PCDHA12: variants seen among roughly 807,000 people sequenced by gnomAD.
PCDHA12 encodes the protein protocadherin alpha 12.
PCDHA12 carries 44 observed loss-of-function variants against 60.0 expected under a neutral mutation model. The observed-to-expected ratio is 0.73, with a 90% confidence interval of 0.58 to 0.94. PCDHA12 has a LOEUF of 0.94. PCDHA12 is among the 40% of genes least tolerant of loss of function. The pLI is 0.00. For synonymous variants in PCDHA12, 569 were observed against 553.0 expected, an observed-to-expected ratio of 1.03 and a Z score of -0.40; for missense variants, 1,276 against 1,239.7, an observed-to-expected ratio of 1.03 and a Z score of -0.44.
intron 1 of PCDHA12, among the ~76,000 whole-genome samples, chr5:140,944,313 G>A (rs2093639720): frequency 6.6e-6 from 1 of 152,066 alleles, no homozygotes; most frequent in Non-Finnish European, 1.5e-5. Context: ...TCAGCCTCCT[G>A]AGTAGCTGGG....
intron 1 of PCDHA12, among the ~76,000 whole-genome samples, chr5:140,905,387 G>T (rs1554192032): frequency 1.3e-5 from 2 of 152,138 alleles, no homozygotes; most frequent in African/African-American, 4.8e-5. Context: ...TGTTTCATAG[G>T]TCTGTGTGCC....
intron 3 of PCDHA12, among the ~76,000 whole-genome samples, chr5:140,988,661 A>G (rs1411850477): frequency 6.6e-6 from 1 of 152,186 alleles, no homozygotes; most frequent in Non-Finnish European, 1.5e-5. Context: ...TTGTTTATGA[A>G]TAGACTCTAA....
chr5:140,920,692 A>T (rs552577858), intron 1 of PCDHA12, among the ~76,000 whole-genome samples: 7 of 152,114 alleles, frequency 4.6e-5, no homozygotes, highest in Non-Finnish European at 7.4e-5. Flanking sequence ...AAAAATACAA[A>T]CATTAGCTTG....
intron 1 of PCDHA12, chr5:140,926,634 T>C (rs2083423230): frequency 6.8e-6 from 3 of 438,778 alleles, no homozygotes; most frequent in Non-Finnish European, 1.2e-5. Context: ...GCTGCGCTCC[T>C]CAACACCCGG....
chr5:140,917,256 T>C (rs1043140553), intron 1 of PCDHA12, among the ~76,000 whole-genome samples: 6 of 151,524 alleles, frequency 4.0e-5, no homozygotes, highest in African/African-American at 7.3e-5. Context: ...ATTGCTCACC[T>C]GATGTTTGGT....
chr5:140,927,031 GC>G, intron 1 of PCDHA12: 6 of 1,612,410 alleles, frequency 3.7e-6, no homozygotes, highest in Non-Finnish European at 5.1e-6. Flanking sequence ...GAGGCTGCCA[GC>G]GGCCGCTATG....
intron 1 of PCDHA12, among the ~76,000 whole-genome samples, chr5:140,951,450 C>A: frequency 6.6e-6 from 1 of 151,922 alleles, no homozygotes; most frequent in East Asian, 1.9e-4. Flanking sequence ...ATGATGCCGG[C>A]CATCTGCTTG....
At chr5:140,983,463 C>T (rs1554245464) in intron 3 of PCDHA12, among the ~76,000 whole-genome samples, 1 of 152,208 alleles carries the variant, frequency 6.6e-6, no homozygotes, top group Non-Finnish European at 1.5e-5. Flanking sequence ...AATAGAACAT[C>T]ATGATGATAA....
chr5:140,966,341 G>T, intron 1 of PCDHA12: 1 of 396,732 alleles, frequency 2.5e-6, no homozygotes, highest in Non-Finnish European at 4.4e-6. Context: ...CAGGTCCAGG[G>T]TGAAGGAGAT....
chr5:140,967,687 C>T (rs1173018126), intron 1 of PCDHA12: 1 of 1,614,094 alleles, frequency 6.2e-7, no homozygotes, highest in Non-Finnish European at 8.5e-7. Context: ...AGAGGCAGCT[C>T]TTCAGCATAG....
At chr5:140,969,004 T>C (rs1554231338) in intron 1 of PCDHA12, 2 of 1,614,060 alleles carry the variant, frequency 1.2e-6, no homozygotes, top group East Asian at 2.2e-5. Flanking sequence ...GAGGCTTCTG[T>C]GGAGTAAGGG....
chr5:140,961,236 T>G (rs246004), intron 1 of PCDHA12, among the ~76,000 whole-genome samples: 1 of 151,942 alleles, frequency 6.6e-6, no homozygotes, highest in African/African-American at 2.4e-5. Context: ...AAAAAGGTGA[T>G]GGAATTTATC....
Position 140,877,497 on chromosome 5 carries a change from C to G in PCDHA12, c.2025C>G (p.Ala675=). ...VLVSLVENGQ[A]PKTSSRASVG... is the part of the protein sequence containing the mutation. ...TGTCGCTGGTGGAGAACGGCCAGGC[C>G]CCAAAGACGTCGTCGCGGGCCTCAG... The change falls in exon 1 of 4, where the codon GCC becomes GCG. Residue 675 remains alanine, a synonymous_variant. Coordinates refer to ENST00000398631, the MANE Select transcript of PCDHA12 (RefSeq NM_018903.4). 6.2e-7 allele frequency: 1 copy of G among 1,613,848 alleles called. No homozygotes were observed. Among genetic ancestry groups the G allele is most frequent in the South Asian group, 1.1e-5 (1 of 91,082 alleles).
rs782037799 is a variant in PCDHA12 at position 140,877,180 on chromosome 5, G to A, written c.1708G>A (p.Ala570Thr). ...DNAPALLATPAGSAGGAVSEL... is the reference protein window; with the variant it reads ...DNAPALLATPTGSAGGAVSEL... ...CGCGCCGGCACTGCTGGCGACTCCG[G>A]CTGGCAGCGCAGGAGGCGCAGTTAG... The change falls in exon 1 of 4, where the codon GCT becomes ACT. Residue 570 changes from alanine (A) to threonine (T), a missense_variant. By Grantham distance (58) the Ala-to-Thr change is moderately conservative (BLOSUM62 0). Transcript: ENST00000398631. The A allele has an allele frequency of 1.1e-5, 18 of 1,613,692 alleles. No individual in the cohort carries two copies. In the South Asian group the frequency reaches 1.5e-4, roughly 14 times the overall value.
chr5:140,967,040 C>G, intron 1 of PCDHA12: 1 of 1,611,752 alleles, frequency 6.2e-7, no homozygotes, highest in South Asian at 1.1e-5. Flanking sequence ...CTACCTGGAG[C>G]TGGACCTGAC....
At chr5:140,898,956 T>C (rs1352076218) in intron 1 of PCDHA12, among the ~76,000 whole-genome samples, 4 of 152,130 alleles carry the variant, frequency 2.6e-5, no homozygotes, top group Admixed American at 2.6e-4. Context: ...GAAGCAGTTG[T>C]GAATGGGAGT....
intron 1 of PCDHA12, chr5:140,882,591 T>C (rs781883775): frequency 1.2e-6 from 2 of 1,614,116 alleles, no homozygotes; most frequent in South Asian, 2.2e-5. Flanking sequence ...CACCTGGAGG[T>C]GATCGTGGAC....
In PCDHA12 at chr5:140,927,516, C is replaced by T. The variant is rs782661477; in HGVS notation, c.2367+49677C>T. 3.1e-6 allele frequency: 5 copies of T among 1,613,948 alleles called. No homozygotes were observed. The South Asian group carries it at 4.4e-5, about 14-fold the overall frequency. Reference sequence around the variant, plus strand: ...TGCTGGTGCTTACAGCTCGGGACGGCGGGCTACCTGCCCGCTCAGGAGACG... The same window carrying T: ...TGCTGGTGCTTACAGCTCGGGACGGTGGGCTACCTGCCCGCTCAGGAGACG... On this transcript the variant is annotated intron_variant, in intron 1 of 3. Transcript: ENST00000398631.
Position 140,969,604 on chromosome 5 carries a change from AAC to A in PCDHA12, c.2368-9341_2368-9340del. 5.2e-6 allele frequency: 4 copies of A among 765,156 alleles called. No homozygotes were observed. The South Asian group carries it at 6.3e-5, about 12-fold the overall frequency. 47.4% of individuals were successfully genotyped at this position (765,156 alleles called of 1,614,324 possible). A position where few individuals can be genotyped will look rare whatever the true frequency, so the allele number is the denominator to read the frequency against. On this transcript the variant is annotated intron_variant, in intron 1 of 3. Transcript: ENST00000398631. Reference sequence around the variant, plus strand: ...GATTAGTCTTAATATTTAATGCTAAAACACAGATTTGTAGAGAAACAGGACAG... The same window carrying A: ...GATTAGTCTTAATATTTAATGCTAAAACAGATTTGTAGAGAAACAGGACAG...
Sources: allele counts gnomAD v4.1 joint callset (sites outside exome capture counted in the v4.1 genomes callset), GRCh38; gene constraint gnomAD v4.1.1; transcripts MANE v1.5; gene names NCBI Gene and HGNC (gene_info 2026-07-23, HGNC 2026-07-21).